RASGRP3: variants seen among roughly 807,000 people sequenced by gnomAD.
RASGRP3 encodes the protein ras guanyl-releasing protein 3.
A neutral mutation model predicts 82.7 loss-of-function variants in RASGRP3; 54 were observed. The ratio of observed to expected loss-of-function variants is 0.65; its 90% CI spans 0.52 to 0.82. The LOEUF (loss-of-function observed/expected upper bound fraction) is 0.82, where lower values mean the gene tolerates loss of function less well. Ranked by LOEUF, RASGRP3 falls within the 40% of genes least tolerant of loss-of-function variation. The pLI, the probability that RASGRP3 is intolerant of heterozygous loss-of-function variation, is 0.00. For synonymous variants in RASGRP3, 309 were observed against 300.5 expected (o/e 1.03, Z -0.29); for missense variants, 861 against 828.9 (o/e 1.04, Z -0.48).
chr2:33,559,433 G>A (rs2278956), intron 17 of RASGRP3, among the ~76,000 whole-genome samples: 44,215 of 152,030 alleles, frequency 0.29, 7,266 homozygotes, highest in Middle Eastern at 0.45. Flanking sequence ...TTAGATAAAG[G>A]AGAATTGGAA....
chr2:33,460,373 G>C (rs918283549), intron 2 of RASGRP3, among the ~76,000 whole-genome samples: 4 of 152,076 alleles, frequency 2.6e-5, no homozygotes, highest in Non-Finnish European at 5.9e-5. Flanking sequence ...TCCTATATTG[G>C]ATTTTGATAC....
intron 10 of RASGRP3, chr2:33,533,150 G>A (rs1673265338): frequency 6.6e-6 from 1 of 152,236 alleles, no homozygotes; most frequent in African/African-American, 2.4e-5. Flanking sequence ...TAGCTTTAAA[G>A]GACTAGGTGA....
chr2:33,492,883 A>G (rs1451963373), intron 1 of RASGRP3, among the ~76,000 whole-genome samples: 2 of 152,114 alleles, frequency 1.3e-5, no homozygotes, highest in Non-Finnish European at 2.9e-5. Context: ...CTAGTGAGCA[A>G]ATGTTCTGGG....
At chr2:33,467,628 G>T (rs938950252) in intron 2 of RASGRP3, among the ~76,000 whole-genome samples, 1 of 152,332 alleles carries the variant, frequency 6.6e-6, no homozygotes, top group South Asian at 2.1e-4. Flanking sequence ...CAAATTAACA[G>T]CAGGTTTTGC....
At chr2:33,451,129 G>A (rs1167090372) in intron 2 of RASGRP3, among the ~76,000 whole-genome samples, 1 of 151,834 alleles carries the variant, frequency 6.6e-6, no homozygotes. Context: ...CTCCCAAAGT[G>A]CTGGGATTAC....
intron 2 of RASGRP3, among the ~76,000 whole-genome samples, chr2:33,469,848 A>C (rs1428279977): frequency 6.6e-6 from 1 of 152,164 alleles, no homozygotes; most frequent in Non-Finnish European, 1.5e-5. Flanking sequence ...ATTTTTCCGA[A>C]TAGTTAATGA....
At chr2:33,543,711 T>G in intron 13 of RASGRP3, 84 bp downstream of exon 13, 1 of 972,548 alleles carries the variant, frequency 1.0e-6, no homozygotes, top group South Asian at 1.6e-5. Context: ...AACTTGTAAT[T>G]TGCATCTTGA....
intron 17 of RASGRP3, among the ~76,000 whole-genome samples, chr2:33,561,695 A>G (rs1026278697): frequency 6.6e-6 from 1 of 152,084 alleles, no homozygotes; most frequent in Non-Finnish European, 1.5e-5. Context: ...GTATCAGATG[A>G]TGTTTGTGAG....
At chr2:33,514,114 A>G (rs1391218149) in intron 2 of RASGRP3, 1 of 152,194 alleles carries the variant, frequency 6.6e-6, no homozygotes, top group Non-Finnish European at 1.5e-5. Context: ...GTCAAGTTCA[A>G]TAATATATGC....
intron 1 of RASGRP3, among the ~76,000 whole-genome samples, chr2:33,479,442 C>CT (rs1288502359): frequency 6.6e-6 from 1 of 152,134 alleles, no homozygotes; most frequent in African/African-American, 2.4e-5. Flanking sequence ...AAATAGCTGG[C>CT]TTAGTGTTGA....
intron 7 of RASGRP3, among the ~76,000 whole-genome samples, chr2:33,522,375 A>G (rs1672121424): frequency 6.6e-6 from 1 of 152,234 alleles, no homozygotes; most frequent in Non-Finnish European, 1.5e-5. Context: ...GTGGAGATTT[A>G]ACCATTCAAG....
Position 33,453,386 on chromosome 2 carries a change from T to C in RASGRP3, c.-261+5443T>C, listed in dbSNP as rs7573678. Among the ~76,000 whole-genome samples, 1,393 of 152,292 alleles carry C rather than the reference T, an allele frequency of 9.1e-3. 18 individuals are homozygous for C. The highest frequency in any genetic ancestry group is 0.058 in the Middle Eastern group (17 of 294). ...ATAGTTGTTCAAATTGGTGTTTCTG[T>C]AAGGGGATATGTGCTGGAAAATACT... is the stretch of plus-strand genomic sequence containing the variant. On this transcript the variant is annotated intron_variant, in intron 2 of 18. Coordinates refer to the RASGRP3 transcript ENST00000402538.
chr2:33,519,366 C>T (rs1437436053), intron 4 of RASGRP3, among the ~76,000 whole-genome samples: 1 of 152,148 alleles, frequency 6.6e-6, no homozygotes, highest in Non-Finnish European at 1.5e-5. Context: ...CCTGTAATCC[C>T]AGCACTTTGG....
intron 14 of RASGRP3, among the ~76,000 whole-genome samples, chr2:33,552,507 G>T (rs1021127327): frequency 6.6e-6 from 1 of 151,976 alleles, no homozygotes; most frequent in Non-Finnish European, 1.5e-5. Context: ...TTATTGGTAC[G>T]ATTTGATTTG....
chr2:33,471,748 T>C (rs994650222), upstream of RASGRP3, among the ~76,000 whole-genome samples: 1 of 152,218 alleles, frequency 6.6e-6, no homozygotes, highest in Non-Finnish European at 1.5e-5. Flanking sequence ...GTTACTGATC[T>C]GTTGTTTTTT....
rs1213921059 is a variant in RASGRP3 at position 33,457,984 on chromosome 2, C to G, written c.-261+10041C>G. 2.0e-5 allele frequency: 3 copies of G among 152,210 alleles called. No individual in the cohort carries two copies. In the East Asian group the frequency reaches 5.8e-4, roughly 29 times the overall value. The allele number at this position is 152,210 out of a possible 1,614,324, so 9.4% of individuals were successfully genotyped here. On this transcript the variant is annotated intron_variant, in intron 2 of 18. Transcript: ENST00000402538. ...TCACCTGGCCCTTCAACTGAGGACT[C>G]TGACGTGAGTGCTGAGGAGCTATTT...
chr2:33,519,184 G>C (rs1036734959), intron 4 of RASGRP3, among the ~76,000 whole-genome samples: 1 of 152,070 alleles, frequency 6.6e-6, no homozygotes, highest in African/African-American at 2.4e-5. Flanking sequence ...CATGTCACCA[G>C]GCAATAGGAA....
At chr2:33,459,677 G>A (rs1448515879) in intron 2 of RASGRP3, among the ~76,000 whole-genome samples, 1 of 150,572 alleles carries the variant, frequency 6.6e-6, no homozygotes, top group African/African-American at 2.5e-5. Flanking sequence ...GGGACAAGGA[G>A]GGCTTCAGTA....
chr2:33,453,951 A>C (rs1167257527), intron 2 of RASGRP3, among the ~76,000 whole-genome samples: 1 of 152,220 alleles, frequency 6.6e-6, no homozygotes, highest in Non-Finnish European at 1.5e-5. Context: ...CTGGAGGCTG[A>C]AGCTCAAAAT....
Sources: gnomAD v4.1 joint callset for allele counts (sites outside exome capture counted in the v4.1 genomes callset) on GRCh38, gnomAD v4.1.1 for gene constraint, MANE v1.5 for transcripts, NCBI Gene and HGNC (gene_info 2026-07-23, HGNC 2026-07-21) for gene names.